Variants in HECW2 observed in about 807,000 individuals in gnomAD.
HECW2 encodes E3 ubiquitin-protein ligase HECW2.
Under a neutral mutation model 175.2 loss-of-function variants are expected in HECW2, and 61 were observed. The observed-to-expected ratio is 0.35, with a 90% CI of 0.28 to 0.43. The LOEUF (loss-of-function observed/expected upper bound fraction) is 0.43. Among genes scored for constraint, HECW2 ranks in the 20% least tolerant of loss-of-function variants. The probability of loss-of-function intolerance (pLI) is 1.00; values close to 1 mark genes in which losing one functional copy is unlikely to be tolerated. For synonymous variants in HECW2, 671 were observed against 731.0 expected, an observed-to-expected ratio of 0.92 and a Z score of 1.32; for missense variants, 1,524 against 2,000.5, an observed-to-expected ratio of 0.76 and a Z score of 4.54.
chr2:196,252,581 C>T (rs572123474), intron 19 of HECW2, among the ~76,000 whole-genome samples: 2 of 152,310 alleles, frequency 1.3e-5, no homozygotes, highest in East Asian at 3.9e-4. Flanking sequence ...CACCATGTGA[C>T]ATGCTGGCTC....
At chr2:196,566,464 A>G (rs1690191843) in intron 1 of HECW2, among the ~76,000 whole-genome samples, 1 of 152,016 alleles carries the variant, frequency 6.6e-6, no homozygotes. Context: ...CGTTAGAAAA[A>G]TATCTTCATA....
rs180809062 is a variant in HECW2 at position 196,199,898 on chromosome 2, A to G, written c.*1379T>C. On this transcript the variant is annotated 3_prime_UTR_variant, in exon 29 of 29. Coordinates refer to ENST00000644978, the MANE Select transcript of HECW2 (RefSeq NM_001348768.2). ...TATGCATCAGTGAAAATGCAGGCTT[A>G]GAAATATAGTTCTGAGTTTCAATTT... 3.9e-5 allele frequency: 6 copies of G among 152,682 alleles called. No homozygotes were observed. In the East Asian group the frequency reaches 9.6e-4, roughly 25 times the overall value. The allele number at this position is 152,682 out of a possible 1,614,324, so 9.5% of individuals were successfully genotyped here.
chr2:196,332,696 C>T (rs147767082), intron 4 of HECW2, among the ~76,000 whole-genome samples: 1 of 152,246 alleles, frequency 6.6e-6, no homozygotes, highest in Admixed American at 6.5e-5. Flanking sequence ...CCAGAAAATG[C>T]TTAAAAATGT....
At chr2:196,399,268 TAA>T (rs3082119) in intron 2 of HECW2, among the ~76,000 whole-genome samples, 94,020 of 151,876 alleles carry the variant, frequency 0.62, 31,816 homozygotes, top group East Asian at 0.94. Context: ...CAAGTTACAT[TAA>T]GTTATTCAAT....
intron 1 of HECW2, among the ~76,000 whole-genome samples, chr2:196,548,332 A>C (rs1421012671): frequency 6.6e-6 from 1 of 150,972 alleles, no homozygotes; most frequent in Non-Finnish European, 1.5e-5. Flanking sequence ...TCCATCTCAA[A>C]AAAAAAAAAA....
In HECW2 at chr2:196,253,795, A is replaced by G. The variant is rs566351077; in HGVS notation, c.3529+125T>C. 1.1e-4 allele frequency: 83 copies of G among 787,220 alleles called. No homozygotes were observed. The Admixed American group carries it at 1.9e-3, about 18-fold the overall frequency. 48.8% of individuals were successfully genotyped at this position (787,220 alleles called of 1,614,324 possible). On this transcript the variant is annotated intron_variant, in intron 19 of 28. Coordinates refer to ENST00000644978, the MANE Select transcript of HECW2 (RefSeq NM_001348768.2). ...TACGAGACAGGAAATGCACACGTGT[A>G]TCTGTGCTAACACCAAAGATGTACC...
At chr2:196,417,308 A>T (rs1695281681) in intron 2 of HECW2, among the ~76,000 whole-genome samples, 1 of 152,234 alleles carries the variant, frequency 6.6e-6, no homozygotes, top group Admixed American at 6.5e-5. Context: ...AGTGAAACTT[A>T]TTTAAAACAT....
intron 1 of HECW2, among the ~76,000 whole-genome samples, chr2:196,527,252 C>T (rs142312791): frequency 0.013 from 1,946 of 152,328 alleles, 44 homozygotes; most frequent in African/African-American, 0.045. Context: ...CAGGTGCGTC[C>T]GTCACCCCTT....
At chr2:196,480,632 T>A (rs1248438602) in intron 1 of HECW2, among the ~76,000 whole-genome samples, 2 of 152,234 alleles carry the variant, frequency 1.3e-5, no homozygotes, top group Admixed American at 1.3e-4. Context: ...GATGGAGAGC[T>A]GGATCCACTG....
chr2:196,228,155 T>C lies in HECW2; in HGVS notation c.3864A>G (p.Thr1288=). Residue 1288 remains threonine (T), a synonymous_variant, in exon 22 of 29, where the codon ACA becomes ACG. Coordinates refer to ENST00000644978, the MANE Select transcript of HECW2 (RefSeq NM_001348768.2). The part of the protein sequence containing the change: ...YGLFEYSAND[T]YTVQISPMSA... ...ACATAGGACTTATTTGTACTGTGTA[T>C]GTGTCATTGGCTGAATATTCAAATA... 6.2e-7 allele frequency: 1 copy of C among 1,613,650 alleles called. No individual in the cohort carries two copies. The highest frequency in any genetic ancestry group is 8.5e-7 in the Non-Finnish European group (1 of 1,179,702).
intron 5 of HECW2, among the ~76,000 whole-genome samples, chr2:196,326,043 A>C (rs1035554827): frequency 6.6e-6 from 1 of 152,212 alleles, no homozygotes; most frequent in Admixed American, 6.5e-5. Flanking sequence ...TAATCTTAGA[A>C]AATGCTGGAA....
chr2:196,500,382 T>A (rs1559145021), intron 1 of HECW2, among the ~76,000 whole-genome samples: 1 of 152,120 alleles, frequency 6.6e-6, no homozygotes, highest in Non-Finnish European at 1.5e-5. Context: ...CATACATGCA[T>A]ACATACATAC....
At chr2:196,324,911 C>G in intron 6 of HECW2, 69 bp downstream of exon 6, 4 of 1,337,234 alleles carry the variant, frequency 3.0e-6, no homozygotes, top group Non-Finnish European at 4.1e-6. Context: ...ATGCAAAAGT[C>G]TCAAGGAAAG....
At chr2:196,496,058 C>CT (rs1687381187) in intron 1 of HECW2, among the ~76,000 whole-genome samples, 1 of 152,088 alleles carries the variant, frequency 6.6e-6, no homozygotes, top group Non-Finnish European at 1.5e-5. Context: ...ATAAGAAACT[C>CT]TAATTATAAA....
At chr2:196,372,327 T>C (rs1278471482) in intron 2 of HECW2, among the ~76,000 whole-genome samples, 2 of 152,378 alleles carry the variant, frequency 1.3e-5, no homozygotes, top group African/African-American at 2.4e-5. Flanking sequence ...CTTTGAATCA[T>C]AATTTTCTCC....
chr2:196,492,341 A>G (rs1438321913), intron 1 of HECW2, among the ~76,000 whole-genome samples: 3 of 152,142 alleles, frequency 2.0e-5, no homozygotes, highest in Admixed American at 2.0e-4. Context: ...TCCACTAGAC[A>G]GAGTTATGGT....
chr2:196,342,083 G>T (rs1159415902), intron 3 of HECW2, among the ~76,000 whole-genome samples: 3 of 151,954 alleles, frequency 2.0e-5, no homozygotes, highest in Admixed American at 6.6e-5. Context: ...CTCAGAAAAA[G>T]TTTAAAAAGC....
Position 196,198,828 on chromosome 2 carries a change from T to C in HECW2, c.*2449A>G, listed in dbSNP as rs909422049. 9 of 152,314 alleles carry C rather than the reference T, an allele frequency of 5.9e-5. No homozygotes were observed. In the East Asian group the frequency reaches 1.7e-3, roughly 29 times the overall value. The allele number at this position is 152,314 out of a possible 1,614,324, so 9.4% of individuals were successfully genotyped here. ...GTTTTGTTTTACTAAGAAAGAATAATAGATAAGTTAGCATGGTGTTCTGAT... is the reference window on the plus strand; with the variant it reads ...GTTTTGTTTTACTAAGAAAGAATAACAGATAAGTTAGCATGGTGTTCTGAT... On this transcript the variant is annotated 3_prime_UTR_variant, in exon 29 of 29. Transcript: ENST00000644978.
At chr2:196,354,978 T>TC (rs1490805102) in intron 2 of HECW2, among the ~76,000 whole-genome samples, 1 of 152,236 alleles carries the variant, frequency 6.6e-6, no homozygotes, top group Non-Finnish European at 1.5e-5. Flanking sequence ...AAGATTTTTT[T>TC]CCCCAAACTG....
Sources: allele counts gnomAD v4.1 joint callset (sites outside exome capture counted in the v4.1 genomes callset), GRCh38; gene constraint gnomAD v4.1.1; transcripts MANE v1.5; gene names NCBI Gene and HGNC (gene_info 2026-07-23, HGNC 2026-07-21).